The following BLTP1 variants were observed in gnomAD, a reference collection of about 807,000 sequenced individuals.
BLTP1 encodes fragile site-associated protein.
At chr4:122,190,181 T>A in the BLTP1 span, 2 of 1,421,968 alleles carry the variant, frequency 1.4e-6, no homozygotes, top group Non-Finnish European at 9.5e-7. Context: ...ACTATACCCT[T>A]GACCTTCCAG....
chr4:122,355,839 T>A, the BLTP1 span: 1 of 1,611,272 alleles, frequency 6.2e-7, no homozygotes, highest in Non-Finnish European at 8.5e-7. Flanking sequence ...ACACTGAGAA[T>A]AGCACTACTG....
At chr4:122,232,879 C>T in the BLTP1 span, among the ~76,000 whole-genome samples, 2 of 152,274 alleles carry the variant, frequency 1.3e-5, no homozygotes, top group East Asian at 3.9e-4. Flanking sequence ...GACGATTTGC[C>T]TCTCCCCACA....
chr4:122,282,221 A>G, the BLTP1 span: 4 of 274,832 alleles, frequency 1.5e-5, no homozygotes, highest in Non-Finnish European at 2.2e-5. Context: ...TGCTTTTAAT[A>G]TTTATGAAAT....
chr4:122,279,961 A>G, the BLTP1 span: 2 of 1,614,082 alleles, frequency 1.2e-6, no homozygotes, highest in Non-Finnish European at 8.5e-7. Context: ...TCTCAGACCT[A>G]ATCAGACAGC....
the BLTP1 span, among the ~76,000 whole-genome samples, chr4:122,159,658 A>G: frequency 3.3e-5 from 5 of 152,052 alleles, no homozygotes; most frequent in Non-Finnish European, 7.4e-5. Flanking sequence ...TGTGAGTTTT[A>G]TGTTTGCTTT....
the BLTP1 span, among the ~76,000 whole-genome samples, chr4:122,312,559 A>G: frequency 6.6e-6 from 1 of 152,194 alleles, no homozygotes; most frequent in Non-Finnish European, 1.5e-5. Flanking sequence ...GAATTGGGTG[A>G]TACTCCAAAA....
chr4:122,301,428 A>C, the BLTP1 span: 1 of 1,337,732 alleles, frequency 7.5e-7, no homozygotes, highest in East Asian at 2.6e-5. Flanking sequence ...CTTTTATAAA[A>C]ATTTTTCTAA....
At chr4:122,251,955 G>A in the BLTP1 span, among the ~76,000 whole-genome samples, 1 of 152,096 alleles carries the variant, frequency 6.6e-6, no homozygotes, top group Non-Finnish European at 1.5e-5. Context: ...GTGTTTAGTG[G>A]CCTTTTAGAC....
chr4:122,318,431 A>G, the BLTP1 span, among the ~76,000 whole-genome samples: 1 of 152,216 alleles, frequency 6.6e-6, no homozygotes, highest in Non-Finnish European at 1.5e-5. Flanking sequence ...TTCCTATTTT[A>G]ACGATGAAGA....
chr4:122,177,059 A>G, the BLTP1 span, among the ~76,000 whole-genome samples: 1 of 152,188 alleles, frequency 6.6e-6, no homozygotes, highest in African/African-American at 2.4e-5. Flanking sequence ...TCAGACCACT[A>G]GGGTCAAATA....
At chr4:122,357,657 A>G in the BLTP1 span, among the ~76,000 whole-genome samples, 1 of 152,228 alleles carries the variant, frequency 6.6e-6, no homozygotes, top group African/African-American at 2.4e-5. Flanking sequence ...AGAATGAGGT[A>G]GTTTGAAATG....
At chr4:122,179,897 A>G in the BLTP1 span, 11 of 985,280 alleles carry the variant, frequency 1.1e-5, no homozygotes, top group Non-Finnish European at 1.3e-5. Context: ...CCACATACAG[A>G]CAGGGGTACC....
chr4:122,181,898 A>C, the BLTP1 span, among the ~76,000 whole-genome samples: 1 of 152,176 alleles, frequency 6.6e-6, no homozygotes, highest in Non-Finnish European at 1.5e-5. Flanking sequence ...ATTAAATGTC[A>C]TATTGTAGGT....
At chr4:122,357,327 C>T in the BLTP1 span, among the ~76,000 whole-genome samples, 1 of 151,934 alleles carries the variant, frequency 6.6e-6, no homozygotes, top group Non-Finnish European at 1.5e-5. Context: ...CTTTGGGATG[C>T]CAAGGAGGAT....
chr4:122,175,098 T>G, the BLTP1 span: 1 of 968,526 alleles, frequency 1.0e-6, no homozygotes, highest in Non-Finnish European at 1.2e-6. Context: ...ATAATAAGGA[T>G]ATGATTGAAA....
the BLTP1 span, chr4:122,356,641 G>T: frequency 6.2e-7 from 1 of 1,612,998 alleles, no homozygotes; most frequent in East Asian, 2.2e-5. Flanking sequence ...GAAGCCAAAA[G>T]TAGAATGTAG....
chr4:122,154,380 G>C, the BLTP1 span: 1 of 984,582 alleles, frequency 1.0e-6, no homozygotes, highest in African/African-American at 1.8e-5. Flanking sequence ...GTGGGGTGGT[G>C]GTGATATGTA....
At chr4:122,331,525 G>A in the BLTP1 span, 2 of 1,610,430 alleles carry the variant, frequency 1.2e-6, no homozygotes, top group Non-Finnish European at 1.7e-6. Context: ...AGAACATGAT[G>A]ATATAAGTTT....
chr4:122,219,512 C>T, the BLTP1 span: 1 of 1,613,908 alleles, frequency 6.2e-7, no homozygotes, highest in Non-Finnish European at 8.5e-7. Context: ...GCCTTGCGTC[C>T]TTGGGATATT....
Sources: allele counts gnomAD v4.1 joint callset (sites outside exome capture counted in the v4.1 genomes callset), GRCh38; gene constraint gnomAD v4.1.1; transcripts MANE v1.5; gene names NCBI Gene and HGNC (gene_info 2026-07-23, HGNC 2026-07-21).